The following HDAC4 variants were observed in gnomAD, a reference collection of about 807,000 sequenced individuals.
HDAC4 encodes the protein histone deacetylase A.
A neutral mutation model predicts 135.1 loss-of-function variants in HDAC4; 16 were observed. The ratio of observed to expected loss-of-function variants is 0.12; its 90% CI spans 0.08 to 0.18. The LOEUF (loss-of-function observed/expected upper bound fraction) is 0.18. HDAC4 is among the 10% of genes least tolerant of loss of function. The probability of loss-of-function intolerance (pLI) is 1.00; values close to 1 mark genes in which losing one functional copy is unlikely to be tolerated. For missense variants in HDAC4, 1,143 were observed against 1,511.8 expected, an observed-to-expected ratio of 0.76 and a Z score of 4.05; for synonymous variants, 685 against 653.4, an observed-to-expected ratio of 1.05 and a Z score of -0.74.
intron 11 of HDAC4, among the ~76,000 whole-genome samples, chr2:239,133,310 CCT>C (rs1212304886): frequency 6.6e-6 from 1 of 152,208 alleles, no homozygotes; most frequent in African/African-American, 2.4e-5. Context: ...ACGCCAAGCC[CCT>C]GAGTTTTCAC....
At chr2:239,109,299 C>T (rs111375689) in intron 14 of HDAC4, among the ~76,000 whole-genome samples, 10,000 of 152,272 alleles carry the variant, frequency 0.066, 1,135 homozygotes, top group African/African-American at 0.23. Context: ...GGGCGGGGCG[C>T]ACGGTGAAGA....
chr2:239,304,593 C>A (rs940033537), intron 2 of HDAC4, among the ~76,000 whole-genome samples: 8 of 152,162 alleles, frequency 5.3e-5, no homozygotes, highest in Non-Finnish European at 1.2e-4. Flanking sequence ...TTAAAAGGGA[C>A]TGACTGGTGA....
intron 8 of HDAC4, among the ~76,000 whole-genome samples, chr2:239,142,877 A>G: frequency 6.8e-6 from 1 of 146,962 alleles, no homozygotes; most frequent in South Asian, 2.2e-4. Flanking sequence ...GCCCTGCCGC[A>G]TGGCTCCTGG....
intron 2 of HDAC4, among the ~76,000 whole-genome samples, chr2:239,264,315 C>A (rs974102013): frequency 3.3e-5 from 5 of 152,234 alleles, no homozygotes; most frequent in African/African-American, 1.2e-4. Context: ...AATGGAAGCA[C>A]AGGCATTTCC....
rs1057175849 is a variant in HDAC4 at position 239,141,500 on chromosome 2, G to A, written c.866-1704C>T. ...AGGCTTCTCCCGCTGCCGAGGCCATGTTATTTGCACTGTGAGTGGGCATTC... is the reference window on the plus strand; with the variant it reads ...AGGCTTCTCCCGCTGCCGAGGCCATATTATTTGCACTGTGAGTGGGCATTC... On this transcript the variant is annotated intron_variant, in intron 8 of 26. Coordinates refer to ENST00000543185, the MANE Select transcript of HDAC4 (RefSeq NM_001378414.1). This position sits in a 1 kb window ranked among gnomAD's most constrained non-coding sequence, Gnocchi z 4.9. Among the ~76,000 whole-genome samples, 2 of 152,202 alleles carry A rather than the reference G, an allele frequency of 1.3e-5. No individual in the cohort carries two copies. Among genetic ancestry groups the A allele is most frequent in the African/African-American group, 4.8e-5 (2 of 41,460 alleles).
intron 2 of HDAC4, among the ~76,000 whole-genome samples, chr2:239,314,100 T>C (rs1385726106): frequency 6.6e-6 from 1 of 152,116 alleles, no homozygotes; most frequent in Non-Finnish European, 1.5e-5. Context: ...AGACAACCCA[T>C]GAGGCCTGAT....
rs1417654297 is a variant in HDAC4, at chr2:239,308,019, G to C, written c.22+44659C>G. On this transcript the variant is annotated intron_variant, in intron 2 of 26. Transcript: ENST00000543185. This position sits in a 1 kb window ranked among gnomAD's most constrained non-coding sequence, Gnocchi z 4.2. ...CCACACAGCAATGAGTGGCCACACA[G>C]CAACGAGCTGCGAGGAGCCAAGGAT... Among the ~76,000 whole-genome samples the C allele has an allele frequency of 6.6e-6, 1 of 152,206 alleles. No individual in the cohort carries two copies. Among genetic ancestry groups the C allele is most frequent in the African/African-American group, 2.4e-5 (1 of 41,444 alleles).
chr2:239,081,725 T>C (rs933920338), intron 21 of HDAC4, among the ~76,000 whole-genome samples: 1 of 152,194 alleles, frequency 6.6e-6, no homozygotes, highest in Non-Finnish European at 1.5e-5. Context: ...GGGGCCGCCA[T>C]GCAGCCCCGC....
At chr2:239,104,680 G>A (rs990926942) in intron 15 of HDAC4, among the ~76,000 whole-genome samples, 6 of 152,252 alleles carry the variant, frequency 3.9e-5, no homozygotes, top group African/African-American at 9.6e-5. Flanking sequence ...TGTGCCCTGC[G>A]GTGCCAAGAG....
At chr2:239,103,120 GAAA>G (rs1005999479) in intron 15 of HDAC4, among the ~76,000 whole-genome samples, 7 of 152,234 alleles carry the variant, frequency 4.6e-5, no homozygotes, top group African/African-American at 1.4e-4. Flanking sequence ...TTATAGCTTT[GAAA>G]AAACACTTTA....
chr2:239,224,325 T>C (rs2047125686), intron 3 of HDAC4, among the ~76,000 whole-genome samples: 1 of 152,148 alleles, frequency 6.6e-6, no homozygotes, highest in Non-Finnish European at 1.5e-5. Flanking sequence ...GTCTCCCTGC[T>C]CCTCCGATGC....
chr2:239,055,155 G>T, intron 24 of HDAC4: 1 of 348,592 alleles, frequency 2.9e-6, no homozygotes, highest in Non-Finnish European at 5.5e-6. Context: ...GGTTCCATGA[G>T]GGGGAGTGAC....
At chr2:239,269,989 C>G (rs1225547385) in intron 2 of HDAC4, among the ~76,000 whole-genome samples, 3 of 138,606 alleles carry the variant, frequency 2.2e-5, no homozygotes, top group African/African-American at 8.7e-5. Flanking sequence ...TCCCCGCCCC[C>G]CAAAATGATG....
intron 6 of HDAC4, among the ~76,000 whole-genome samples, chr2:239,160,346 C>T (rs1414120542): frequency 2.0e-5 from 3 of 152,224 alleles, no homozygotes; most frequent in South Asian, 4.1e-4. Context: ...GACCCAGCCA[C>T]GTTTCAAGTG....
intron 2 of HDAC4, among the ~76,000 whole-genome samples, chr2:239,282,055 A>G (rs1575601777): frequency 1.3e-5 from 2 of 150,318 alleles, no homozygotes; most frequent in Non-Finnish European, 3.0e-5. Flanking sequence ...TCTACAATTT[A>G]CCCACCACTC....
At chr2:239,202,295 C>T (rs1655355280) in intron 3 of HDAC4, among the ~76,000 whole-genome samples, 1 of 152,166 alleles carries the variant, frequency 6.6e-6, no homozygotes, top group African/African-American at 2.4e-5. Context: ...CCAGAATCTC[C>T]TTTTAGGTTG....
At chr2:239,312,179 C>G (rs2052912800) in intron 2 of HDAC4, among the ~76,000 whole-genome samples, 1 of 152,198 alleles carries the variant, frequency 6.6e-6, no homozygotes, top group African/African-American at 2.4e-5. Flanking sequence ...GAGGGGCGGG[C>G]AGGGGCACCC....
At chr2:239,226,623 A>G (rs191984020) in intron 3 of HDAC4, among the ~76,000 whole-genome samples, 6 of 152,064 alleles carry the variant, frequency 3.9e-5, no homozygotes, top group Non-Finnish European at 8.8e-5. Flanking sequence ...AGCTCTTCAG[A>G]AATCTTTGGG....
intron 1 of HDAC4, among the ~76,000 whole-genome samples, chr2:239,383,452 C>G (rs1695562850): frequency 6.6e-6 from 1 of 152,186 alleles, no homozygotes; most frequent in Non-Finnish European, 1.5e-5. Flanking sequence ...CAGGCAGGGG[C>G]AGGGGTGGCA....
Sources: allele counts gnomAD v4.1 joint callset (sites outside exome capture counted in the v4.1 genomes callset), GRCh38; gene constraint gnomAD v4.1.1; non-coding constraint Gnocchi (gnomAD v3.1); transcripts MANE v1.5; gene names NCBI Gene and HGNC (gene_info 2026-07-23, HGNC 2026-07-21).